TBC1D22A: variants seen among roughly 807,000 people sequenced by gnomAD.
The protein encoded by TBC1D22A is TBC1 domain family member 22A, also known as putative GTPase activator.
TBC1D22A carries 38 observed loss-of-function variants against 60.2 expected under a neutral mutation model. The ratio of observed to expected loss-of-function variants is 0.63; its 90% CI spans 0.49 to 0.83. TBC1D22A has a LOEUF of 0.83. Ranked by LOEUF, TBC1D22A falls within the 40% of genes least tolerant of loss-of-function variation. TBC1D22A has a pLI of 0.00. For missense variants in TBC1D22A, 628 were observed against 701.0 expected (o/e 0.90, Z 1.18); for synonymous variants, 302 against 281.7 (o/e 1.07, Z -0.72).
intron 5 of TBC1D22A, among the ~76,000 whole-genome samples, chr22:46,884,762 C>T (rs2068027966): frequency 6.6e-6 from 1 of 152,098 alleles, no homozygotes; most frequent in Non-Finnish European, 1.5e-5. Context: ...GTTTGCTGAC[C>T]CCTGATCTAG....
At chr22:46,774,741 C>G (rs1282635339) in intron 1 of TBC1D22A, among the ~76,000 whole-genome samples, 1 of 152,202 alleles carries the variant, frequency 6.6e-6, no homozygotes, top group Non-Finnish European at 1.5e-5. Context: ...CTTCGGGGCC[C>G]CTGATATTTC....
At chr22:47,153,925 G>T (rs2067607668) in intron 12 of TBC1D22A, among the ~76,000 whole-genome samples, 1 of 152,112 alleles carries the variant, frequency 6.6e-6, no homozygotes, top group East Asian at 1.9e-4. Context: ...GAGGTCCGGG[G>T]ACACTGGACT....
At chr22:46,784,171 G>A (rs1264630611) in intron 1 of TBC1D22A, among the ~76,000 whole-genome samples, 2 of 152,074 alleles carry the variant, frequency 1.3e-5, no homozygotes, top group African/African-American at 4.8e-5. Flanking sequence ...TTAGCCTTGT[G>A]AGTGGCAGGG....
chr22:46,817,380 T>A (rs2085649023), intron 4 of TBC1D22A, among the ~76,000 whole-genome samples: 1 of 152,172 alleles, frequency 6.6e-6, no homozygotes, highest in Admixed American at 6.5e-5. Flanking sequence ...CTGTCACCTG[T>A]TGACCTGTCC....
At chr22:47,076,763 G>A (rs543318454) in intron 11 of TBC1D22A, among the ~76,000 whole-genome samples, 2 of 149,702 alleles carry the variant, frequency 1.3e-5, no homozygotes, top group Middle Eastern at 3.4e-3. Flanking sequence ...AACAACAACA[G>A]CAACAGCAAC....
chr22:46,952,708 G>A (rs1202161934), intron 8 of TBC1D22A, among the ~76,000 whole-genome samples: 2 of 152,194 alleles, frequency 1.3e-5, no homozygotes, highest in African/African-American at 2.4e-5. Flanking sequence ...CACACCTGCT[G>A]CCTTGGCCAT....
intron 12 of TBC1D22A, among the ~76,000 whole-genome samples, chr22:47,147,646 C>T (rs1306485484): frequency 6.6e-6 from 1 of 152,246 alleles, no homozygotes; most frequent in African/African-American, 2.4e-5. Flanking sequence ...GCACACAGAG[C>T]ATTTGCGTTT....
At chr22:46,842,809 CAGGT>C (rs1490686142) in intron 4 of TBC1D22A, among the ~76,000 whole-genome samples, 1 of 152,214 alleles carries the variant, frequency 6.6e-6, no homozygotes, top group African/African-American at 2.4e-5. Flanking sequence ...GGCGCCCTGA[CAGGT>C]AGGGATGTTC....
At chr22:46,989,992 T>G (rs2074876882) in intron 9 of TBC1D22A, among the ~76,000 whole-genome samples, 1 of 152,144 alleles carries the variant, frequency 6.6e-6, no homozygotes, top group African/African-American at 2.4e-5. Flanking sequence ...TGGGTAGAGA[T>G]GGGGTTTTGC....
chr22:47,138,609 G>A (rs776914029), intron 12 of TBC1D22A, among the ~76,000 whole-genome samples: 1 of 152,242 alleles, frequency 6.6e-6, no homozygotes, highest in Non-Finnish European at 1.5e-5. Flanking sequence ...CCCTTGGTGG[G>A]TCTTAGGGTG....
chr22:46,763,026 G>A (rs2083155710), intron 1 of TBC1D22A, among the ~76,000 whole-genome samples, 178 bp downstream of exon 1: 1 of 152,080 alleles, frequency 6.6e-6, no homozygotes, highest in African/African-American at 2.4e-5. Flanking sequence ...GGGGTCTGGG[G>A]GTGACAGTGG....
chr22:46,807,483 A>G (rs1445312584), intron 4 of TBC1D22A, among the ~76,000 whole-genome samples: 1 of 152,170 alleles, frequency 6.6e-6, no homozygotes, highest in Non-Finnish European at 1.5e-5. Context: ...GAAGAAGCAC[A>G]TGCATGCGTC....
In TBC1D22A at chr22:47,152,529, C is replaced by T. The variant is rs1005594857; in HGVS notation, c.1426-20969C>T. The stretch of plus-strand genomic sequence containing the variant: ...GCACATTCACTAGAGAGTTTCTGGC[C>T]GGCCACAACCCCCCACGTAGCTGGT... On this transcript the variant is annotated intron_variant, in intron 12 of 12. Coordinates refer to ENST00000337137, the MANE Select transcript of TBC1D22A (RefSeq NM_014346.5). Among the ~76,000 whole-genome samples, 7 of 152,334 alleles carry T rather than the reference C, an allele frequency of 4.6e-5. No individual in the cohort carries two copies. The East Asian group carries it at 5.8e-4, about 13-fold the overall frequency.
intron 2 of TBC1D22A, among the ~76,000 whole-genome samples, chr22:46,792,972 C>T (rs1015196909): frequency 1.3e-5 from 2 of 152,264 alleles, no homozygotes; most frequent in Non-Finnish European, 2.9e-5. Flanking sequence ...CAGGCGGGAG[C>T]GCAGAGTGTG....
intron 12 of TBC1D22A, among the ~76,000 whole-genome samples, chr22:47,119,267 C>T (rs1398733588): frequency 6.6e-6 from 1 of 152,160 alleles, no homozygotes; most frequent in Non-Finnish European, 1.5e-5. Context: ...TAAATTTGTT[C>T]AGTTTCAAAA....
intron 8 of TBC1D22A, among the ~76,000 whole-genome samples, chr22:46,959,647 G>A (rs1240414300): frequency 6.6e-6 from 1 of 152,096 alleles, no homozygotes; most frequent in Non-Finnish European, 1.5e-5. Context: ...CTCGGTTCTG[G>A]TGCCCAGGAT....
intron 1 of TBC1D22A, among the ~76,000 whole-genome samples, chr22:46,770,876 G>A (rs978998680): frequency 6.6e-6 from 1 of 152,184 alleles, no homozygotes; most frequent in African/African-American, 2.4e-5. Flanking sequence ...GTCTTGTTCC[G>A]GCAGTGATTG....
chr22:46,829,224 G>A (rs1281204580), intron 4 of TBC1D22A, among the ~76,000 whole-genome samples: 1 of 152,198 alleles, frequency 6.6e-6, no homozygotes, highest in African/African-American at 2.4e-5. Context: ...TTGTTTCATA[G>A]TTACTTGTGG....
intron 1 of TBC1D22A, among the ~76,000 whole-genome samples, chr22:46,766,818 G>A (rs2083303155): frequency 6.6e-6 from 1 of 152,162 alleles, no homozygotes; most frequent in Non-Finnish European, 1.5e-5. Flanking sequence ...TTCCAGGCAT[G>A]AGCCACCGTG....
Sources: allele counts gnomAD v4.1 joint callset (sites outside exome capture counted in the v4.1 genomes callset), GRCh38; gene constraint gnomAD v4.1.1; transcripts MANE v1.5; gene names NCBI Gene and HGNC (gene_info 2026-07-23, HGNC 2026-07-21).